Variants in LHFPL3 observed in about 807,000 individuals in gnomAD.
The protein encoded by LHFPL3 is LHFPL tetraspan subfamily member 3.
LHFPL3 carries 5 observed loss-of-function variants against 19.3 expected under a neutral mutation model. The ratio of observed to expected loss-of-function variants is 0.26; its 90% confidence interval spans 0.14 to 0.54. The LOEUF (loss-of-function observed/expected upper bound fraction) is 0.54. LHFPL3 is among the 20% of genes least tolerant of loss of function. The pLI, the probability that LHFPL3 is intolerant of heterozygous loss-of-function variation, is 0.94. For synonymous variants in LHFPL3, 133 were observed against 126.2 expected (o/e 1.05, Z -0.36); for missense variants, 249 against 307.4 (o/e 0.81, Z 1.42).
intron 1 of LHFPL3, among the ~76,000 whole-genome samples, chr7:104,552,788 A>G (rs1794687791): frequency 6.6e-6 from 1 of 152,246 alleles, no homozygotes; most frequent in Non-Finnish European, 1.5e-5. Context: ...TACAGAATCC[A>G]ATGAAGAAAA....
chr7:104,672,087 G>GTGTGTGTA (rs776836530), intron 1 of LHFPL3, among the ~76,000 whole-genome samples: 1 of 147,500 alleles, frequency 6.8e-6, no homozygotes, highest in African/African-American at 2.5e-5. Flanking sequence ...GTGTGTGTGT[G>GTGTGTGTA]TTTGCAATGG....
At chr7:104,391,619 G>C (rs1233982791) in intron 1 of LHFPL3, among the ~76,000 whole-genome samples, 2 of 152,174 alleles carry the variant, frequency 1.3e-5, no homozygotes. Flanking sequence ...CAGGTAGTGT[G>C]ACGCCTCTAG....
chr7:104,603,070 C>CTT (rs1562947422), intron 1 of LHFPL3, among the ~76,000 whole-genome samples: 1 of 58,718 alleles, frequency 1.7e-5, no homozygotes. Flanking sequence ...CTTTCTTTTT[C>CTT]TTTCTTTCTT....
intron 2 of LHFPL3, among the ~76,000 whole-genome samples, chr7:104,774,010 A>G (rs181422152): frequency 1.6e-4 from 24 of 152,386 alleles, no homozygotes; most frequent in African/African-American, 5.8e-4. Flanking sequence ...GTAGTCACAC[A>G]TCTAGTTAAT....
intron 2 of LHFPL3, among the ~76,000 whole-genome samples, chr7:104,797,436 A>G (rs1336311435): frequency 6.6e-6 from 1 of 152,174 alleles, no homozygotes; most frequent in African/African-American, 2.4e-5. Context: ...GTTCTGCATT[A>G]GAGACTAATT....
At chr7:104,478,035 A>C (rs1168334227) in intron 1 of LHFPL3, among the ~76,000 whole-genome samples, 3 of 152,214 alleles carry the variant, frequency 2.0e-5, no homozygotes. Context: ...AAATGATTGG[A>C]ACAATAAGCA....
At chr7:104,749,325 T>A (rs868724558) in intron 2 of LHFPL3, among the ~76,000 whole-genome samples, 45 of 150,704 alleles carry the variant, frequency 3.0e-4, no homozygotes, top group African/African-American at 1.0e-3. Context: ...ATATCATCAA[T>A]ATAATGAATA....
chr7:104,648,480 G>A (rs569012916), intron 1 of LHFPL3, among the ~76,000 whole-genome samples: 115 of 152,246 alleles, frequency 7.6e-4, no homozygotes, highest in Non-Finnish European at 1.3e-3. Context: ...CAGAATCACA[G>A]AATCAAGAAA....
chr7:104,824,735 CAG>C (rs1414008346), intron 2 of LHFPL3, among the ~76,000 whole-genome samples: 5 of 82,692 alleles, frequency 6.0e-5, no homozygotes, highest in Admixed American at 4.3e-4. Flanking sequence ...TTTTTTGAAA[CAG>C]AAGTCTTACT....
At chr7:104,456,761 C>T (rs1326422616) in intron 1 of LHFPL3, among the ~76,000 whole-genome samples, 1 of 152,170 alleles carries the variant, frequency 6.6e-6, no homozygotes. Flanking sequence ...GATAGTCGAT[C>T]TGATAACCTA....
At chr7:104,685,463 C>G (rs928427401) in intron 1 of LHFPL3, among the ~76,000 whole-genome samples, 4 of 152,240 alleles carry the variant, frequency 2.6e-5, no homozygotes, top group Non-Finnish European at 4.4e-5. Context: ...CAGACACACA[C>G]ACACATTCAG....
At chr7:104,468,287 G>T (rs1283330420) in intron 1 of LHFPL3, among the ~76,000 whole-genome samples, 1 of 152,160 alleles carries the variant, frequency 6.6e-6, no homozygotes, top group Non-Finnish European at 1.5e-5. Context: ...TCGTATGAGG[G>T]TGTCACATTG....
intron 2 of LHFPL3, among the ~76,000 whole-genome samples, chr7:104,901,488 G>A (rs1185285855): frequency 2.0e-5 from 3 of 152,156 alleles, no homozygotes; most frequent in Non-Finnish European, 2.9e-5. Context: ...GCCTTCTGAT[G>A]AGCAGCATGC....
At chr7:104,656,455 C>T (rs1448229917) in intron 1 of LHFPL3, among the ~76,000 whole-genome samples, 3 of 152,198 alleles carry the variant, frequency 2.0e-5, no homozygotes, top group African/African-American at 7.2e-5. Context: ...ACTTCCTGCT[C>T]ACAGCCCCTG....
intron 2 of LHFPL3, among the ~76,000 whole-genome samples, chr7:104,784,872 T>C (rs1789883743): frequency 6.6e-6 from 1 of 152,128 alleles, no homozygotes; most frequent in Non-Finnish European, 1.5e-5. Context: ...GTTGTCAAAC[T>C]CATGGAAGTA....
At chr7:104,492,059 C>T (rs1023912944) in intron 1 of LHFPL3, among the ~76,000 whole-genome samples, 18 of 152,084 alleles carry the variant, frequency 1.2e-4, no homozygotes, top group Admixed American at 9.8e-4. Flanking sequence ...AATTTGGGTT[C>T]GAATGTTTCT....
intron 2 of LHFPL3, among the ~76,000 whole-genome samples, chr7:104,813,686 T>C (rs1009509524): frequency 6.6e-6 from 1 of 152,166 alleles, no homozygotes; most frequent in African/African-American, 2.4e-5. Context: ...CCAGCACAGG[T>C]GCCAGCTTTC....
intron 1 of LHFPL3, among the ~76,000 whole-genome samples, chr7:104,538,612 A>G (rs769395503): frequency 6.6e-6 from 1 of 152,252 alleles, no homozygotes; most frequent in African/African-American, 2.4e-5. Context: ...GTACTTGCCC[A>G]GACATGGGTT....
chr7:104,393,724 A>T (rs1006997150), intron 1 of LHFPL3, among the ~76,000 whole-genome samples: 1 of 150,356 alleles, frequency 6.7e-6, no homozygotes, highest in Non-Finnish European at 1.5e-5. Context: ...TCAAAAAAAG[A>T]AAAAAAATCA....
Sources: gnomAD v4.1 joint callset for allele counts (sites outside exome capture counted in the v4.1 genomes callset) on GRCh38, gnomAD v4.1.1 for gene constraint, MANE v1.5 for transcripts, NCBI Gene and HGNC (gene_info 2026-07-23, HGNC 2026-07-21) for gene names.